Variants in SHC3 observed in about 807,000 individuals in gnomAD.
SHC3 encodes the protein SHC-transforming protein 3.
Under a neutral mutation model 60.4 loss-of-function variants are expected in SHC3, and 15 were observed. The ratio of observed to expected loss-of-function variants is 0.25; its 90% CI spans 0.17 to 0.38. SHC3 has a LOEUF of 0.38. Among genes scored for constraint, SHC3 ranks in the 10% least tolerant of loss-of-function variants. The probability of loss-of-function intolerance (pLI) is 1.00; values close to 1 mark genes in which losing one functional copy is unlikely to be tolerated. For missense variants in SHC3, 677 were observed against 786.1 expected (o/e 0.86, Z 1.66); for synonymous variants, 294 against 325.9 (o/e 0.90, Z 1.05).
intron 1 of SHC3, among the ~76,000 whole-genome samples, chr9:89,166,369 C>T (rs1172688249): frequency 2.6e-5 from 4 of 152,116 alleles, no homozygotes; most frequent in African/African-American, 9.7e-5. Flanking sequence ...TCAATAGATA[C>T]CCGTTGAATA....
chr9:89,025,505 T>C (rs1029310342), intron 11 of SHC3, among the ~76,000 whole-genome samples: 1 of 152,112 alleles, frequency 6.6e-6, no homozygotes, highest in South Asian at 2.1e-4. Context: ...AAAATAAAAT[T>C]TGAAGCCTCC....
intron 11 of SHC3, among the ~76,000 whole-genome samples, chr9:89,022,911 T>C (rs892347066): frequency 8.5e-5 from 13 of 152,248 alleles, no homozygotes; most frequent in Admixed American, 4.6e-4. Context: ...TTCTCCTTTG[T>C]AATAAATTGC....
rs1348119802 is a variant in SHC3, at chr9:89,013,185, T to C, written c.*262A>G. On this transcript the variant is annotated 3_prime_UTR_variant, in exon 12 of 12. Transcript: ENST00000375835. ...AAAAACATACAGCACAGAACATTAGTCTTACATCTTTCTTAGTCTTAAAAA... is the reference window on the plus strand; with the variant it reads ...AAAAACATACAGCACAGAACATTAGCCTTACATCTTTCTTAGTCTTAAAAA... 3.5e-6 allele frequency: 1 copy of C among 288,548 alleles called. No homozygotes were observed. Among genetic ancestry groups the C allele is most frequent in the Non-Finnish European group, 6.3e-6 (1 of 158,884 alleles). 17.9% of individuals were successfully genotyped at this position (288,548 alleles called of 1,614,324 possible). A position where few individuals can be genotyped will look rare whatever the true frequency, so the allele number is the denominator to read the frequency against.
At chr9:89,078,129 G>C (rs1260240965) in intron 2 of SHC3, among the ~76,000 whole-genome samples, 7 of 150,650 alleles carry the variant, frequency 4.6e-5, no homozygotes, top group Admixed American at 4.6e-4. Flanking sequence ...AGTTCTCTTT[G>C]TTGTGGTGGC....
At chr9:89,037,579 A>T in intron 11 of SHC3, 1 of 710,990 alleles carries the variant, frequency 1.4e-6, no homozygotes, top group Non-Finnish European at 2.6e-6. Context: ...ACTGATCATC[A>T]CATTTTACAG....
intron 2 of SHC3, among the ~76,000 whole-genome samples, chr9:89,111,162 A>C (rs1386719908): frequency 2.6e-5 from 4 of 152,208 alleles, no homozygotes; most frequent in African/African-American, 4.8e-5. Context: ...TAATTACATC[A>C]GGAGAACTAA....
chr9:89,129,634 C>T (rs996551082), intron 1 of SHC3, among the ~76,000 whole-genome samples: 9 of 151,990 alleles, frequency 5.9e-5, no homozygotes, highest in African/African-American at 1.9e-4. Context: ...TTTTCAACCC[C>T]GAATTTCATA....
intron 11 of SHC3, among the ~76,000 whole-genome samples, chr9:89,030,797 C>T (rs1824474320): frequency 6.6e-6 from 1 of 152,172 alleles, no homozygotes; most frequent in African/African-American, 2.4e-5. Flanking sequence ...TCCGTTTTTC[C>T]TCCATACCAG....
At chr9:89,151,335 A>G (rs992149178) in intron 1 of SHC3, among the ~76,000 whole-genome samples, 1 of 152,166 alleles carries the variant, frequency 6.6e-6, no homozygotes, top group Non-Finnish European at 1.5e-5. Flanking sequence ...GCTGAATGTG[A>G]TAATATAAAG....
chr9:89,154,864 G>T (rs1337975558), intron 1 of SHC3, among the ~76,000 whole-genome samples: 1 of 152,170 alleles, frequency 6.6e-6, no homozygotes, highest in Admixed American at 6.5e-5. Flanking sequence ...GCTATCCAAA[G>T]TCAAAGGAAA....
intron 2 of SHC3, among the ~76,000 whole-genome samples, chr9:89,078,172 A>G (rs1825389853): frequency 1.3e-5 from 2 of 150,388 alleles, no homozygotes; most frequent in South Asian, 4.2e-4. Context: ...TGTCAATGCT[A>G]CACTTTTTTT....
At chr9:89,070,731 T>A (rs893879279) in intron 5 of SHC3, among the ~76,000 whole-genome samples, 4 of 152,250 alleles carry the variant, frequency 2.6e-5, no homozygotes, top group African/African-American at 9.6e-5. Flanking sequence ...CAAAGCAAAC[T>A]ATTAAAGGCT....
At chr9:89,090,738 C>T (rs1366524462) in intron 2 of SHC3, among the ~76,000 whole-genome samples, 5 of 152,016 alleles carry the variant, frequency 3.3e-5, no homozygotes, top group African/African-American at 9.7e-5. Context: ...CAACAGGGAA[C>T]CCAAGAAAAC....
chr9:89,038,613 A>G (rs1824624806), intron 10 of SHC3, among the ~76,000 whole-genome samples: 1 of 152,256 alleles, frequency 6.6e-6, no homozygotes, highest in Admixed American at 6.5e-5. Context: ...GCATGCTGCA[A>G]GAGGCCATGA....
chr9:89,032,712 G>A (rs1045243593), intron 11 of SHC3, among the ~76,000 whole-genome samples: 3 of 152,104 alleles, frequency 2.0e-5, no homozygotes, highest in Non-Finnish European at 2.9e-5. Context: ...CTCAGTGGAC[G>A]GTGGGAAGGC....
chr9:89,089,770 C>G (rs1825593437), intron 2 of SHC3, among the ~76,000 whole-genome samples: 1 of 152,176 alleles, frequency 6.6e-6, no homozygotes, highest in South Asian at 2.1e-4. Context: ...GGGGAGGGGT[C>G]AGAGCCCACA....
chr9:89,040,647 C>A (rs1334565282), intron 10 of SHC3, among the ~76,000 whole-genome samples: 1 of 152,216 alleles, frequency 6.6e-6, no homozygotes, highest in Admixed American at 6.5e-5. Flanking sequence ...GCTTGGAGAG[C>A]CACCACTGTG....
Position 89,071,238 on chromosome 9 carries a change from G to A in SHC3, c.744C>T (p.His248=). The A allele has an allele frequency of 1.2e-6, 2 of 1,614,194 alleles. No individual in the cohort carries two copies. Among genetic ancestry groups the A allele is most frequent in the Non-Finnish European group, 1.7e-6 (2 of 1,180,028 alleles). The change falls in exon 5 of 12, where the codon CAC becomes CAT. Residue 248 remains histidine, a synonymous_variant. Coordinates refer to ENST00000375835, the MANE Select transcript of SHC3 (RefSeq NM_016848.6). ...AGGCGAAGGAGATGGACCGCATGTG[G>A]TGATTCGCTATGATCTGCCAGGCCC... The part of the protein sequence containing the change: ...TPDSKQIIAN[H]HMRSISFASG...
At chr9:89,122,068 T>C (rs937836844) in intron 1 of SHC3, among the ~76,000 whole-genome samples, 8 of 152,244 alleles carry the variant, frequency 5.3e-5, no homozygotes, top group African/African-American at 1.7e-4. Context: ...CACAATTCTA[T>C]ATACCCCAAC....
Sources: gnomAD v4.1 joint callset for allele counts (sites outside exome capture counted in the v4.1 genomes callset) on GRCh38, gnomAD v4.1.1 for gene constraint, MANE v1.5 for transcripts, NCBI Gene and HGNC (gene_info 2026-07-23, HGNC 2026-07-21) for gene names.